DENND4C: variants seen among roughly 807,000 people sequenced by gnomAD.
The protein encoded by DENND4C is DENN domain containing 4C.
In DENND4C, 108 loss-of-function variants were observed where a neutral mutation model predicts 203.0. The ratio of observed to expected loss-of-function variants is 0.53; its 90% CI spans 0.46 to 0.62. DENND4C has a LOEUF of 0.62. Ranked by LOEUF, DENND4C falls within the 20% of genes least tolerant of loss-of-function variation. The probability of loss-of-function intolerance (pLI) is 0.00; values close to 1 mark genes in which losing one functional copy is unlikely to be tolerated. For synonymous variants in DENND4C, 871 were observed against 792.4 expected, an observed-to-expected ratio of 1.10 and a Z score of -1.67; for missense variants, 2,481 against 2,301.2, an observed-to-expected ratio of 1.08 and a Z score of -1.60.
At position 19,233,835 on chromosome 9, in the gene DENND4C, C is replaced by G. The variant is rs548974188; in HGVS notation, c.-18+3002C>G. 2.6e-5 allele frequency among the ~76,000 whole-genome samples: 4 copies of G among 152,206 alleles called. 1 individual carries two copies. Among genetic ancestry groups the G allele is most frequent in the Admixed American group, 1.3e-4 (2 of 15,280 alleles). On this transcript the variant is annotated intron_variant, in intron 1 of 32. Coordinates refer to ENST00000434457, the MANE Select transcript of DENND4C (RefSeq NM_001330640.2). The stretch of plus-strand genomic sequence containing the variant: ...TGATGTCAGGTGATCCACCTGCCTA[C>G]GCCTCTGAAAGTGCTGGGATTACAG...
chr9:19,263,007 G>T (rs986257174), intron 1 of DENND4C, among the ~76,000 whole-genome samples: 1 of 152,198 alleles, frequency 6.6e-6, no homozygotes, highest in East Asian at 1.9e-4. Context: ...CATCCTTGTT[G>T]TGTTTCATAT....
intron 10 of DENND4C, among the ~76,000 whole-genome samples, chr9:19,306,063 G>C (rs1588884207): frequency 6.6e-6 from 1 of 152,216 alleles, no homozygotes; most frequent in Admixed American, 6.5e-5. Flanking sequence ...CAGTGGTACA[G>C]CTGAGGGTTC....
At chr9:19,230,534 T>A (rs1315035292), upstream of DENND4C, 1 of 152,354 alleles carries the variant, frequency 6.6e-6, no homozygotes, top group Non-Finnish European at 1.5e-5. Flanking sequence ...GGTCAGGTCT[T>A]GGGACGGCTG....
intron 22 of DENND4C, among the ~76,000 whole-genome samples, chr9:19,343,028 C>T (rs775036289): frequency 2.6e-5 from 4 of 151,918 alleles, no homozygotes; most frequent in African/African-American, 4.8e-5. Flanking sequence ...GCCTGTCCAC[C>T]GTTTGGCCAC....
Position 19,356,983 on chromosome 9 carries a change from A to C in DENND4C, c.4793A>C (p.Lys1598Thr). ...TTTTCCTTATGTAGCTTTTTCCTGA[A>C]ACCAAGTACCTCTGGTGACAGTTTA... ...DLRGSASFFLKPSTSGDSLQS... is the reference protein window; with the variant it reads ...DLRGSASFFLTPSTSGDSLQS... Residue 1598 changes from lysine (K) to threonine (T), a missense_variant, in exon 27 of 33, where the codon AAA becomes ACA. By Grantham distance (78) the Lys-to-Thr change is moderately conservative. Transcript: ENST00000434457. 1 of 1,613,464 alleles carries C rather than the reference A, an allele frequency of 6.2e-7. No homozygotes were observed. Among genetic ancestry groups the C allele is most frequent in the Non-Finnish European group, 8.5e-7 (1 of 1,179,712 alleles).
At chr9:19,362,836 ATT>A (rs1393345198) in intron 30 of DENND4C, among the ~76,000 whole-genome samples, 2 of 152,234 alleles carry the variant, frequency 1.3e-5, no homozygotes, top group African/African-American at 4.8e-5. Flanking sequence ...TTAAAGAGTT[ATT>A]ATTCATGTAT....
rs751998843 is a variant in DENND4C at position 19,332,138 on chromosome 9, A to T, written c.2414A>T (p.Asp805Val). ...GTCAGAGCACTTCAGCAGGCATATG[A>T]TGTACTTATTAAGATGAGGAAAACA... ...PKVRALQQAY[D>V]VLIKMRKTDV... is the part of the protein sequence containing the mutation. The change falls in exon 17 of 33, where the codon GAT becomes GTT. Residue 805 changes from aspartate (D) to valine (V), a missense_variant. Physicochemically the swap from Asp to Val is radical, Grantham distance 152. This residue lies in a region of DENND4C where 2,289 missense variants were observed against 2,113.3 expected (regional missense o/e 1.08). Coordinates refer to ENST00000434457, the MANE Select transcript of DENND4C (RefSeq NM_001330640.2). 1 of 1,613,992 alleles carries T rather than the reference A, an allele frequency of 6.2e-7. No homozygotes were observed. Among genetic ancestry groups the T allele is most frequent in the Admixed American group, 1.7e-5 (1 of 60,012 alleles).
At chr9:19,257,194 A>G (rs534317016) in intron 1 of DENND4C, among the ~76,000 whole-genome samples, 2 of 151,884 alleles carry the variant, frequency 1.3e-5, no homozygotes, top group Non-Finnish European at 2.9e-5. Flanking sequence ...AATATTCTGA[A>G]CAGAATAAAA....
intron 1 of DENND4C, among the ~76,000 whole-genome samples, chr9:19,256,876 C>T (rs984286675): frequency 1.4e-4 from 21 of 151,814 alleles, no homozygotes; most frequent in Admixed American, 9.8e-4. Flanking sequence ...CGAGACCATC[C>T]TGGCTAACAT....
chr9:19,364,280 A>G (rs187606990), intron 30 of DENND4C, among the ~76,000 whole-genome samples: 6 of 152,206 alleles, frequency 3.9e-5, no homozygotes, highest in Non-Finnish European at 7.3e-5. Flanking sequence ...AAAAAATTTA[A>G]AGATTGTTGA....
chr9:19,315,220 G>A (rs1841584918), intron 10 of DENND4C, among the ~76,000 whole-genome samples: 1 of 151,268 alleles, frequency 6.6e-6, no homozygotes, highest in Non-Finnish European at 1.5e-5. Context: ...GTTTTATTTG[G>A]AAGTTTCAGT....
chr9:19,267,501 G>A (rs1564102151), intron 1 of DENND4C, among the ~76,000 whole-genome samples: 1 of 151,912 alleles, frequency 6.6e-6, no homozygotes, highest in Non-Finnish European at 1.5e-5. Flanking sequence ...ATCTTTATAG[G>A]TGAAGTGTGT....
chr9:19,232,117 A>G (rs781625238), intron 1 of DENND4C, among the ~76,000 whole-genome samples: 1 of 152,242 alleles, frequency 6.6e-6, no homozygotes, highest in Admixed American at 6.5e-5. Context: ...CATGCAAAAA[A>G]GAAACTATAT....
intron 2 of DENND4C, among the ~76,000 whole-genome samples, chr9:19,281,962 A>G (rs959475528): frequency 6.6e-6 from 1 of 152,220 alleles, no homozygotes; most frequent in Non-Finnish European, 1.5e-5. Flanking sequence ...CCATGAATGG[A>G]CCTTGCAGGA....
At chr9:19,269,286 G>T (rs1367977986) in intron 1 of DENND4C, among the ~76,000 whole-genome samples, 1 of 151,802 alleles carries the variant, frequency 6.6e-6, no homozygotes, top group Non-Finnish European at 1.5e-5. Flanking sequence ...CTCGCCTCCC[G>T]AGTAGCTGGA....
chr9:19,250,096 G>C (rs577184878), intron 1 of DENND4C, among the ~76,000 whole-genome samples: 140 of 152,288 alleles, frequency 9.2e-4, no homozygotes, highest in Middle Eastern at 3.4e-3. Context: ...CCAGGAGTTT[G>C]AGATCAGCCT....
At chr9:19,270,919 T>C (rs565576233) in intron 1 of DENND4C, among the ~76,000 whole-genome samples, 3 of 152,340 alleles carry the variant, frequency 2.0e-5, no homozygotes, top group Admixed American at 1.3e-4. Flanking sequence ...AAATCAATTG[T>C]ATTTCTATAT....
intron 10 of DENND4C, among the ~76,000 whole-genome samples, chr9:19,314,290 T>G (rs1216808897): frequency 6.6e-6 from 1 of 151,698 alleles, no homozygotes; most frequent in African/African-American, 2.4e-5. Context: ...CCGTCTCTAC[T>G]AAAAATACAA....
At chr9:19,299,375 T>C in intron 8 of DENND4C, 88 bp downstream of exon 8, 1 of 789,338 alleles carries the variant, frequency 1.3e-6, no homozygotes, top group Non-Finnish European at 1.9e-6. Flanking sequence ...TATTAATATA[T>C]TAGTGATTGT....
Sources: gnomAD v4.1 joint callset for allele counts (sites outside exome capture counted in the v4.1 genomes callset) on GRCh38, gnomAD v4.1.1 for gene constraint, gnomAD v4.1.1 regional missense constraint, MANE v1.5 for transcripts, NCBI Gene and HGNC (gene_info 2026-07-23, HGNC 2026-07-21) for gene names.